Variants in CP observed in about 807,000 individuals in gnomAD.
CP encodes the protein ceruloplasmin.
A neutral mutation model predicts 122.4 loss-of-function variants in CP; 64 were observed. The ratio of observed to expected loss-of-function variants is 0.52; its 90% CI spans 0.43 to 0.64. CP has a LOEUF of 0.64. Among genes scored for constraint, CP ranks in the 30% least tolerant of loss-of-function variants. The pLI is 0.00. For missense variants in CP, 1,167 were observed against 1,284.4 expected, an observed-to-expected ratio of 0.91 and a Z score of 1.40; for synonymous variants, 440 against 436.4, an observed-to-expected ratio of 1.01 and a Z score of -0.10.
chr3:149,195,689 C>G (rs1157948842), intron 9 of CP, among the ~76,000 whole-genome samples: 2 of 152,022 alleles, frequency 1.3e-5, no homozygotes, highest in Non-Finnish European at 2.9e-5. Flanking sequence ...ACGGTGAAAC[C>G]CGTCTCTACT....
chr3:149,170,165 T>A (rs1047322961), downstream of CP, among the ~76,000 whole-genome samples: 5 of 152,222 alleles, frequency 3.3e-5, no homozygotes, highest in African/African-American at 7.2e-5. Context: ...TTTAAAGTAC[T>A]CTGTGAATTT....
At chr3:149,202,515 CAA>C (rs1482713870) in intron 6 of CP, among the ~76,000 whole-genome samples, 1 of 150,734 alleles carries the variant, frequency 6.6e-6, no homozygotes, top group African/African-American at 2.4e-5. Flanking sequence ...AACCCCTTGA[CAA>C]AGGATTCTAC....
chr3:149,203,511 G>A (rs761550913), intron 6 of CP, among the ~76,000 whole-genome samples: 7 of 152,144 alleles, frequency 4.6e-5, no homozygotes, highest in South Asian at 2.1e-4. Context: ...TGATCCACCC[G>A]CTTTGGCCTC....
At chr3:149,221,482 A>C (rs988268284) in intron 1 of CP, among the ~76,000 whole-genome samples, 165 bp downstream of exon 1, 29 of 152,172 alleles carry the variant, frequency 1.9e-4, no homozygotes, top group Admixed American at 1.8e-3. Context: ...CCAAATAAAA[A>C]ATATACAGGA....
Position 149,206,081 on chromosome 3 carries a change from A to C in CP, c.1208+87T>G. 3 of 1,296,076 alleles carry C rather than the reference A, an allele frequency of 2.3e-6. No individual in the cohort carries two copies. In the South Asian group the frequency reaches 3.7e-5, roughly 16 times the overall value. The allele number at this position is 1,296,076 out of a possible 1,614,324, so 80.3% of individuals were successfully genotyped here. ...GTTACTCAATTTCAGATACCAATTA[A>C]AATTTTAATTGCTGAATTAGCCTTT... is the stretch of plus-strand genomic sequence containing the variant. On this transcript the variant is annotated intron_variant, in intron 6 of 18. Transcript: ENST00000264613.
At position 149,181,988 on chromosome 3, in the gene CP, C is replaced by A; in HGVS notation, c.2554+17G>T. 9 of 676,650 alleles carry A rather than the reference C, an allele frequency of 1.3e-5. No individual in the cohort carries two copies. The highest frequency in any genetic ancestry group is 2.0e-5 in the Admixed American group (1 of 50,642). The allele number at this position is 676,650 out of a possible 1,614,324, so 41.9% of individuals were successfully genotyped here. A position where few individuals can be genotyped will look rare whatever the true frequency, so the allele number is the denominator to read the frequency against. On this transcript the variant is annotated intron_variant, in intron 14 of 18. Coordinates refer to ENST00000264613, the MANE Select transcript of CP (RefSeq NM_000096.4). ...CCTGTTAAAATGCACCACCCCCACC[C>A]CCGCCCCCGTGAGTACCTGGTAATG... is the stretch of plus-strand genomic sequence containing the variant.
intron 14 of CP, among the ~76,000 whole-genome samples, chr3:149,181,025 A>G (rs1725739276): frequency 6.6e-6 from 1 of 152,042 alleles, no homozygotes; most frequent in African/African-American, 2.4e-5. Flanking sequence ...GATGATGATG[A>G]TGATTTTACC....
chr3:149,213,132 G>A (rs1007351779), intron 1 of CP, among the ~76,000 whole-genome samples: 2 of 152,086 alleles, frequency 1.3e-5, no homozygotes, highest in Non-Finnish European at 2.9e-5. Flanking sequence ...CTGGATATTT[G>A]AGACTTCAAA....
intron 6 of CP, among the ~76,000 whole-genome samples, chr3:149,204,226 A>T (rs772164365): frequency 1.1e-4 from 17 of 152,182 alleles, no homozygotes; most frequent in Non-Finnish European, 2.2e-4. Context: ...AGATTTAAGC[A>T]TTCAGGATTA....
chr3:149,187,497 TG>T (rs1183678319), intron 10 of CP, among the ~76,000 whole-genome samples: 3 of 152,286 alleles, frequency 2.0e-5, no homozygotes, highest in Admixed American at 2.0e-4. Flanking sequence ...TAAAAATCTC[TG>T]GGGGTATTCC....
chr3:149,179,748 A>C, intron 14 of CP, 86 bp from the exon 15 acceptor site: 1 of 837,500 alleles, frequency 1.2e-6, no homozygotes, highest in Non-Finnish European at 2.0e-6. Context: ...ACACACACAC[A>C]CAGCCTTGAT....
intron 9 of CP, among the ~76,000 whole-genome samples, chr3:149,197,926 C>A (rs548574161): frequency 2.2e-4 from 34 of 152,256 alleles, no homozygotes; most frequent in Admixed American, 4.6e-4. Flanking sequence ...CTGTGTGGCC[C>A]ATGGGGGTGT....
chr3:149,201,224 C>T (rs1727288783), intron 7 of CP, among the ~76,000 whole-genome samples: 1 of 151,386 alleles, frequency 6.6e-6, no homozygotes, highest in South Asian at 2.1e-4. Flanking sequence ...CCCGAGTTCA[C>T]GCCATTCTCC....
intron 5 of CP, chr3:149,163,751 A>T (rs1408310451): frequency 1.3e-6 from 1 of 744,456 alleles, no homozygotes; most frequent in Admixed American, 2.1e-5. Flanking sequence ...ATGACATGGC[A>T]GAGAATTAAT....
chr3:149,191,673 A>G (rs1442778156), intron 9 of CP, among the ~76,000 whole-genome samples: 1 of 152,040 alleles, frequency 6.6e-6, no homozygotes, highest in Non-Finnish European at 1.5e-5. Flanking sequence ...AATTAGCATT[A>G]TTTATAGATA....
intron 18 of CP, among the ~76,000 whole-genome samples, chr3:149,175,317 C>T (rs1398541608): frequency 6.6e-6 from 1 of 151,962 alleles, no homozygotes; most frequent in Non-Finnish European, 1.5e-5. Flanking sequence ...TCAGTGACTG[C>T]TCTAATAAAA....
At chr3:149,196,335 A>G (rs1726895609) in intron 9 of CP, among the ~76,000 whole-genome samples, 1 of 152,216 alleles carries the variant, frequency 6.6e-6, no homozygotes, top group African/African-American at 2.4e-5. Context: ...TAGAAAGTAT[A>G]AGTATGAAAT....
intron 1 of CP, 74 bp from the exon 2 acceptor site, chr3:149,212,772 AC>A: frequency 6.6e-7 from 1 of 1,513,032 alleles, no homozygotes; most frequent in Non-Finnish European, 9.0e-7. Context: ...TAATTTAATA[AC>A]ATTATAATTA....
chr3:149,196,251 A>G (rs1336859143), intron 9 of CP, among the ~76,000 whole-genome samples: 1 of 152,240 alleles, frequency 6.6e-6, no homozygotes, highest in East Asian at 1.9e-4. Flanking sequence ...TTTTCAGTGC[A>G]GTTTAAGGCA....
Sources: allele counts gnomAD v4.1 joint callset (sites outside exome capture counted in the v4.1 genomes callset), GRCh38; gene constraint gnomAD v4.1.1; transcripts MANE v1.5; gene names NCBI Gene and HGNC (gene_info 2026-07-23, HGNC 2026-07-21).